The following NUF2 variants were observed in gnomAD, a reference collection of about 807,000 sequenced individuals.
NUF2 encodes NUF2 component of NDC80 kinetochore complex.
A neutral mutation model predicts 61.8 loss-of-function variants in NUF2; 34 were observed. That is an observed-to-expected ratio of 0.55 (90% CI 0.42 to 0.73). The LOEUF (loss-of-function observed/expected upper bound fraction) is 0.73. Ranked by LOEUF, NUF2 falls within the 30% of genes least tolerant of loss-of-function variation. NUF2 has a pLI of 0.00. For synonymous variants in NUF2, 172 were observed against 181.6 expected, an observed-to-expected ratio of 0.95 and a Z score of 0.42; for missense variants, 445 against 539.1, an observed-to-expected ratio of 0.83 and a Z score of 1.73.
At chr1:163,327,603 T>C in intron 3 of NUF2, 41 bp downstream of exon 3, 1 of 1,276,958 alleles carries the variant, frequency 7.8e-7, no homozygotes, top group Non-Finnish European at 1.1e-6. Context: ...TTTTTTTTGT[T>C]TGTTTGTTTG....
At chr1:163,325,048 C>G (rs1244664082) in intron 1 of NUF2, among the ~76,000 whole-genome samples, 1 of 152,000 alleles carries the variant, frequency 6.6e-6, no homozygotes, top group Non-Finnish European at 1.5e-5. Context: ...AGGCATAGGC[C>G]ACCATGCCTG....
intron 9 of NUF2, among the ~76,000 whole-genome samples, chr1:163,341,038 T>C (rs1650927049): frequency 6.6e-6 from 1 of 152,160 alleles, no homozygotes; most frequent in Non-Finnish European, 1.5e-5. Flanking sequence ...ACATGTAAAA[T>C]TGACCAATGC....
chr1:163,325,010 C>G (rs1650371353), intron 1 of NUF2, among the ~76,000 whole-genome samples: 1 of 151,570 alleles, frequency 6.6e-6, no homozygotes, highest in South Asian at 2.1e-4. Flanking sequence ...GATCCTCCCA[C>G]CTCAGCCTCC....
At position 163,339,494 on chromosome 1, in the gene NUF2, A is replaced by G. The variant is rs2101679763; in HGVS notation, c.606+17A>G. 6.6e-7 allele frequency: 1 copy of G among 1,508,592 alleles called. No homozygotes were observed. The highest frequency in any genetic ancestry group is 2.3e-5 in the East Asian group (1 of 44,336). 93.5% of individuals were successfully genotyped at this position (1,508,592 alleles called of 1,614,324 possible). A position where few individuals can be genotyped will look rare whatever the true frequency, so the allele number is the denominator to read the frequency against. ...CAAAAAACGGTATCTGTTGTGAGGCACCTTAAACTTTAAAAAACAAAATTT... is the reference window on the plus strand; with the variant it reads ...CAAAAAACGGTATCTGTTGTGAGGCGCCTTAAACTTTAAAAAACAAAATTT... On this transcript the variant is annotated intron_variant, in intron 8 of 13. Transcript: ENST00000271452.
At chr1:163,351,293 T>TA (rs1651307351) in intron 13 of NUF2, among the ~76,000 whole-genome samples, 1 of 152,210 alleles carries the variant, frequency 6.6e-6, no homozygotes, top group African/African-American at 2.4e-5. Context: ...GCCCTTGACT[T>TA]ATATTGACCT....
chr1:163,353,547 C>T lies in NUF2; in HGVS notation c.1261-1788C>T, dbSNP rs548558293. ...AATTTTATTAAATTTAAATAGTAGC[C>T]ACATGTGTCTAGTGGTTGCTGTATT... On this transcript the variant is annotated intron_variant, in intron 13 of 13. Transcript: ENST00000271452. Among the ~76,000 whole-genome samples the T allele has an allele frequency of 1.4e-4, 22 of 152,112 alleles. 1 individual carries two copies. In the South Asian group the frequency reaches 4.2e-3, roughly 29 times the overall value.
intron 13 of NUF2, among the ~76,000 whole-genome samples, chr1:163,354,850 T>A (rs1651436602): frequency 1.3e-5 from 2 of 152,068 alleles, no homozygotes; most frequent in African/African-American, 4.8e-5. Flanking sequence ...TCTTAGCACA[T>A]CCATATAGGC....
intron 9 of NUF2, 65 bp downstream of exon 9, chr1:163,340,491 C>G (rs1200308644): frequency 8.4e-7 from 1 of 1,183,704 alleles, no homozygotes; most frequent in African/African-American, 1.5e-5. Flanking sequence ...AGTATTTTAG[C>G]TGTGTGTGTT....
intron 13 of NUF2, among the ~76,000 whole-genome samples, chr1:163,349,605 A>G (rs932669117): frequency 5.9e-5 from 9 of 152,174 alleles, no homozygotes; most frequent in Non-Finnish European, 1.0e-4. Flanking sequence ...CTGATACCTG[A>G]TAAATAGTTA....
chr1:163,349,121 T>C (rs762393388), intron 13 of NUF2, 41 bp downstream of exon 13: 13 of 1,550,920 alleles, frequency 8.4e-6, no homozygotes, highest in African/African-American at 1.4e-5. Context: ...AAATAATCTC[T>C]CATGTATTTG....
At chr1:163,345,094 C>T (rs1010299954) in intron 10 of NUF2, among the ~76,000 whole-genome samples, 3 of 151,792 alleles carry the variant, frequency 2.0e-5, no homozygotes, top group Admixed American at 6.6e-5. Context: ...GTGCATATGA[C>T]AGGTAGAGGG....
In NUF2 at chr1:163,348,974, G is replaced by A; in HGVS notation, c.1154G>A (p.Gly385Asp). The part of the protein sequence containing the change: ...EDCNKVQEKR[G>D]AVYERVTTIN... ...TGCAATAAAGTTCAAGAAAAAAGAG[G>A]TGCTGTCTATGAACGAGTAACCACA... The change falls in exon 13 of 14, where the codon GGT (glycine) becomes GAT (aspartate). Residue 385 changes from glycine to aspartate, a missense_variant. Gly to Asp is a moderately conservative substitution (Grantham distance 94). Coordinates refer to ENST00000271452, the MANE Select transcript of NUF2 (RefSeq NM_145697.3). 1 of 1,607,912 alleles carries A rather than the reference G, an allele frequency of 6.2e-7. No individual in the cohort carries two copies. Among genetic ancestry groups the A allele is most frequent in the Admixed American group, 1.7e-5 (1 of 58,420 alleles).
intron 9 of NUF2, among the ~76,000 whole-genome samples, chr1:163,341,639 T>G (rs1650950932): frequency 6.6e-6 from 1 of 152,110 alleles, no homozygotes. Context: ...ATTTATTTAT[T>G]TTTTGAGATG....
chr1:163,331,041 T>TTA (rs1491018423), intron 5 of NUF2, among the ~76,000 whole-genome samples: 1 of 128,504 alleles, frequency 7.8e-6, no homozygotes, highest in Non-Finnish European at 1.7e-5. Flanking sequence ...TTTTTTTTTT[T>TTA]ACGTTTCTGC....
intron 1 of NUF2, among the ~76,000 whole-genome samples, chr1:163,323,270 C>T (rs1029040299): frequency 6.6e-5 from 10 of 152,194 alleles, no homozygotes; most frequent in African/African-American, 2.4e-4. Flanking sequence ...TCAGATGCAG[C>T]TTTTTTGGAA....
At chr1:163,336,379 A>G (rs371870188) in intron 5 of NUF2, among the ~76,000 whole-genome samples, 3 of 152,274 alleles carry the variant, frequency 2.0e-5, no homozygotes, top group Admixed American at 6.5e-5. Context: ...CTCTTCAGTC[A>G]TGGACTGGTG....
At chr1:163,328,641 A>T in intron 4 of NUF2, 1 of 516,108 alleles carries the variant, frequency 1.9e-6, no homozygotes, top group Non-Finnish European at 3.4e-6. Context: ...ATACTTTAGT[A>T]TTGCATGACT....
chr1:163,333,014 G>C (rs1204293734), intron 5 of NUF2, among the ~76,000 whole-genome samples: 1 of 152,060 alleles, frequency 6.6e-6, no homozygotes, highest in Non-Finnish European at 1.5e-5. Context: ...AAGCCTACTG[G>C]GTCCTTACAG....
At chr1:163,324,742 T>C (rs1225380837) in intron 1 of NUF2, among the ~76,000 whole-genome samples, 1 of 152,072 alleles carries the variant, frequency 6.6e-6, no homozygotes, top group Non-Finnish European at 1.5e-5. Flanking sequence ...ATTTTTGTGG[T>C]TACAGGGAGA....
Sources: gnomAD v4.1 joint callset for allele counts (sites outside exome capture counted in the v4.1 genomes callset) on GRCh38, gnomAD v4.1.1 for gene constraint, MANE v1.5 for transcripts, NCBI Gene and HGNC (gene_info 2026-07-23, HGNC 2026-07-21) for gene names.